Variants in ARSG observed in about 807,000 individuals in gnomAD.
The protein encoded by ARSG is ASG.
A neutral mutation model predicts 50.5 loss-of-function variants in ARSG; 37 were observed. The ratio of observed to expected loss-of-function variants is 0.73; its 90% confidence interval spans 0.56 to 0.96. The LOEUF (loss-of-function observed/expected upper bound fraction) is 0.96. Ranked by LOEUF, ARSG falls within the 50% of genes least tolerant of loss-of-function variation. The probability of loss-of-function intolerance (pLI) is 0.00; values close to 1 mark genes in which losing one functional copy is unlikely to be tolerated. For missense variants in ARSG, 629 were observed against 675.3 expected (o/e 0.93, Z 0.76); for synonymous variants, 225 against 254.6 (o/e 0.88, Z 1.11).
At chr17:68,389,900 C>T (rs934268227) in intron 9 of ARSG, among the ~76,000 whole-genome samples, 11 of 152,126 alleles carry the variant, frequency 7.2e-5, no homozygotes, top group Admixed American at 2.0e-4. Flanking sequence ...CCTTCTGGAA[C>T]GAGCCCCCTG....
chr17:68,365,750 G>A (rs2079515291), intron 6 of ARSG, among the ~76,000 whole-genome samples: 1 of 152,134 alleles, frequency 6.6e-6, no homozygotes, highest in Non-Finnish European at 1.5e-5. Flanking sequence ...CTGATTTCCA[G>A]CTATGGAGAT....
intron 1 of ARSG, chr17:68,273,760 C>A: frequency 1.5e-6 from 1 of 683,590 alleles, no homozygotes; most frequent in Non-Finnish European, 2.3e-6. Flanking sequence ...CCCAGGTCCC[C>A]TGAAGTCCAT....
chr17:68,388,960 G>A (rs919497757), intron 9 of ARSG, among the ~76,000 whole-genome samples: 1 of 150,486 alleles, frequency 6.6e-6, no homozygotes, highest in African/African-American at 2.5e-5. Context: ...AACAGCTAAA[G>A]CTGCTGTGTA....
chr17:68,305,597 C>G (rs782124040), intron 1 of ARSG, among the ~76,000 whole-genome samples: 2 of 152,046 alleles, frequency 1.3e-5, no homozygotes, highest in African/African-American at 4.8e-5. Context: ...GGCTAGGATG[C>G]AAAGGGACAC....
the ARSG span, among the ~76,000 whole-genome samples, chr17:68,431,943 G>A: frequency 1.3e-5 from 2 of 152,154 alleles, no homozygotes; most frequent in South Asian, 2.1e-4. Context: ...GGGGTTGAAC[G>A]GCATCTTAAC....
At chr17:68,329,479 A>C (rs754737966) in intron 2 of ARSG, among the ~76,000 whole-genome samples, 18 of 152,196 alleles carry the variant, frequency 1.2e-4, no homozygotes, top group Non-Finnish European at 2.2e-4. Flanking sequence ...GGCGGGTAAC[A>C]GACAGAGCCC....
intron 9 of ARSG, among the ~76,000 whole-genome samples, chr17:68,386,228 G>C (rs2080718309): frequency 6.6e-6 from 1 of 152,160 alleles, no homozygotes; most frequent in Non-Finnish European, 1.5e-5. Context: ...TCTGTGTTCT[G>C]CCCTGTGTTC....
At chr17:68,281,998 T>G (rs2145115345) in intron 1 of ARSG, among the ~76,000 whole-genome samples, 1 of 152,354 alleles carries the variant, frequency 6.6e-6, no homozygotes, top group Middle Eastern at 3.4e-3. Context: ...ATCCCATTAC[T>G]GGGTATATAC....
At chr17:68,421,959 C>G (rs2082810174), downstream of ARSG, 2 of 999,822 alleles carry the variant, frequency 2.0e-6, no homozygotes, top group East Asian at 2.4e-5. Flanking sequence ...TGAACTCGCT[C>G]ATGGCCACAG....
chr17:68,370,369 A>G (rs543616736), intron 7 of ARSG, 75 bp from the exon 8 acceptor site: 15 of 1,347,068 alleles, frequency 1.1e-5, no homozygotes, highest in Non-Finnish European at 1.6e-5. Flanking sequence ...CGCAAGGGAT[A>G]TAGGGCCAGA....
At chr17:68,326,996 G>A (rs2077530809) in intron 2 of ARSG, among the ~76,000 whole-genome samples, 1 of 152,174 alleles carries the variant, frequency 6.6e-6, no homozygotes, top group African/African-American at 2.4e-5. Flanking sequence ...GTCTACATTA[G>A]ACATGAAAAG....
intron 1 of ARSG, among the ~76,000 whole-genome samples, chr17:68,262,799 G>A (rs1397838003): frequency 1.3e-5 from 2 of 152,152 alleles, no homozygotes; most frequent in African/African-American, 4.8e-5. Context: ...GTGGAGGAGT[G>A]GGTTTGAGGA....
chr17:68,402,243 G>GCTGT (rs1568581413), intron 11 of ARSG, among the ~76,000 whole-genome samples: 1 of 150,924 alleles, frequency 6.6e-6, no homozygotes, highest in African/African-American at 2.5e-5. Context: ...TGTTGTTGTT[G>GCTGT]TTGTTTGTTT....
intron 2 of ARSG, among the ~76,000 whole-genome samples, chr17:68,322,274 G>T (rs1343865769): frequency 3.3e-5 from 5 of 152,186 alleles, no homozygotes; most frequent in African/African-American, 1.2e-4. Context: ...GCAACTCTAA[G>T]CCCCATCTCA....
chr17:68,318,586 A>G (rs2077162534), intron 2 of ARSG, among the ~76,000 whole-genome samples: 1 of 152,202 alleles, frequency 6.6e-6, no homozygotes, highest in Non-Finnish European at 1.5e-5. Context: ...GATACTTCCC[A>G]TTTGCTTGAA....
At chr17:68,390,070 C>T (rs1203942364) in intron 9 of ARSG, among the ~76,000 whole-genome samples, 3 of 152,130 alleles carry the variant, frequency 2.0e-5, no homozygotes, top group Non-Finnish European at 2.9e-5. Flanking sequence ...TCACTGCAAC[C>T]TCTGCTTCCC....
At chr17:68,379,937 C>G in intron 8 of ARSG, 5 of 874,030 alleles carry the variant, frequency 5.7e-6, no homozygotes, top group Middle Eastern at 5.9e-4. Context: ...GTTCCCACAG[C>G]CCTGTGAGAT....
the ARSG span, among the ~76,000 whole-genome samples, chr17:68,446,202 A>G: frequency 1.3e-5 from 2 of 151,630 alleles, no homozygotes; most frequent in African/African-American, 4.8e-5. Flanking sequence ...TTTTTTTCAG[A>G]CAGGGTCTCG....
chr17:68,310,303 C>A (rs2076801081), intron 2 of ARSG, among the ~76,000 whole-genome samples: 1 of 152,130 alleles, frequency 6.6e-6, no homozygotes, highest in Non-Finnish European at 1.5e-5. Flanking sequence ...GGGTGTGGAA[C>A]CCAACCTGGG....
Sources: gnomAD v4.1 joint callset for allele counts (sites outside exome capture counted in the v4.1 genomes callset) on GRCh38, gnomAD v4.1.1 for gene constraint, MANE v1.5 for transcripts, NCBI Gene and HGNC (gene_info 2026-07-23, HGNC 2026-07-21) for gene names.